The following ADAMTS2 variants were observed in gnomAD, a reference collection of about 807,000 sequenced individuals.
ADAMTS2 encodes ADAM metallopeptidase with thrombospondin type 1 motif 2.
Under a neutral mutation model 123.0 loss-of-function variants are expected in ADAMTS2, and 50 were observed. The ratio of observed to expected loss-of-function variants is 0.41; its 90% CI spans 0.32 to 0.51. ADAMTS2 has a LOEUF of 0.51. ADAMTS2 is among the 20% of genes least tolerant of loss of function. The pLI is 0.35. For missense variants in ADAMTS2, 1,494 were observed against 1,705.2 expected, an observed-to-expected ratio of 0.88 and a Z score of 2.18; for synonymous variants, 678 against 695.4, an observed-to-expected ratio of 0.98 and a Z score of 0.39.
chr5:179,158,967 C>G lies in ADAMTS2; in HGVS notation c.976-88G>C. Reference sequence around the variant, plus strand: ...GAGCAGGCTGTAGTGTTGACAGACCCCATCCACTGGGAATCTGTTCCAGGT... The same window carrying G: ...GAGCAGGCTGTAGTGTTGACAGACCGCATCCACTGGGAATCTGTTCCAGGT... On this transcript the variant is annotated intron_variant, in intron 5 of 21. Transcript: ENST00000251582. This position sits in a 1 kb window ranked among gnomAD's most constrained non-coding sequence, Gnocchi z 5.0. The G allele has an allele frequency of 2.7e-6, 4 of 1,508,380 alleles. No individual in the cohort carries two copies. The highest frequency in any genetic ancestry group is 3.6e-6 in the Non-Finnish European group (4 of 1,111,594). 93.4% of individuals were successfully genotyped at this position (1,508,380 alleles called of 1,614,324 possible).
In ADAMTS2 at chr5:179,332,360, C is replaced by T. The variant is rs1163353839; in HGVS notation, c.534+11407G>A. ...AGGGGTTTTCATGGAAGTTCCATGA[C>T]TCCCATCCCCAGAGGTTGGGGAAGT... is the stretch of plus-strand genomic sequence containing the variant. On this transcript the variant is annotated intron_variant, in intron 2 of 21. Coordinates refer to ENST00000251582, the MANE Select transcript of ADAMTS2 (RefSeq NM_014244.5). This position sits in a 1 kb window ranked among gnomAD's most constrained non-coding sequence, Gnocchi z 4.2. Among the ~76,000 whole-genome samples the T allele has an allele frequency of 6.6e-6, 1 of 152,186 alleles. No homozygotes were observed. Among genetic ancestry groups the T allele is most frequent in the Admixed American group, 6.5e-5 (1 of 15,286 alleles).
chr5:179,207,471 A>ACCCGGCCCCC, intron 4 of ADAMTS2, 42 bp downstream of exon 4: 13 of 1,026,470 alleles, frequency 1.3e-5, no homozygotes, highest in Admixed American at 1.7e-5. Context: ...CCCCTGGTTG[A>ACCCGGCCCCC]CCCTCCCCGC....
intron 10 of ADAMTS2, among the ~76,000 whole-genome samples, chr5:179,147,980 C>T (rs1192695474): frequency 6.6e-6 from 1 of 152,140 alleles, no homozygotes; most frequent in African/African-American, 2.4e-5. Flanking sequence ...GGAAGGGGCT[C>T]CTGTGAGCAA....
chr5:179,171,146 G>A (rs2113292251), intron 5 of ADAMTS2, among the ~76,000 whole-genome samples: 1 of 152,276 alleles, frequency 6.6e-6, no homozygotes, highest in South Asian at 2.1e-4. Context: ...TATAACGTAT[G>A]GTACGGAAGT....
chr5:179,277,314 G>T (rs1766725786), intron 2 of ADAMTS2, among the ~76,000 whole-genome samples: 1 of 37,234 alleles, frequency 2.7e-5, no homozygotes, highest in Non-Finnish European at 5.6e-5. Context: ...CGAGACCAAA[G>T]GCTGACACCC....
chr5:179,322,483 CAAA>C (rs1757213502), intron 2 of ADAMTS2, among the ~76,000 whole-genome samples: 2 of 152,186 alleles, frequency 1.3e-5, no homozygotes, highest in Non-Finnish European at 2.9e-5. Context: ...CCCTTGAGGA[CAAA>C]CCCTGAGCCA....
rs1762924058 is a variant in ADAMTS2, at chr5:179,129,565, G to A, written c.2457+367C>T. On this transcript the variant is annotated intron_variant, in intron 16 of 21. Transcript: ENST00000251582. The surrounding 1 kb of genome is among the most constrained non-coding windows in gnomAD (Gnocchi z 4.1). ...ACACAGTCCAGCTCAACCTGGGTCT[G>A]GGCATCTAGCTTCCCAGACCCTGAG... 6.6e-6 allele frequency among the ~76,000 whole-genome samples: 1 copy of A among 152,106 alleles called. No homozygotes were observed.
Position 179,191,268 on chromosome 5 carries a change from C to T in ADAMTS2, c.892-10113G>A, listed in dbSNP as rs528206871. The stretch of plus-strand genomic sequence containing the variant: ...ACGGCCCTGCCTCCCTGGAACTCTG[C>T]TGAGCTTGTCGGCTGTCCCTGGCCA... On this transcript the variant is annotated intron_variant, in intron 4 of 21. Coordinates refer to ENST00000251582, the MANE Select transcript of ADAMTS2 (RefSeq NM_014244.5). 2.3e-4 allele frequency among the ~76,000 whole-genome samples: 35 copies of T among 152,316 alleles called. 1 individual carries two copies. In the South Asian group the frequency reaches 7.2e-3, roughly 32 times the overall value.
intron 3 of ADAMTS2, among the ~76,000 whole-genome samples, chr5:179,271,891 T>C (rs1766545110): frequency 6.6e-6 from 1 of 152,126 alleles, no homozygotes; most frequent in Non-Finnish European, 1.5e-5. Flanking sequence ...GGGAGTACCT[T>C]AGTAAATCAC....
At chr5:179,187,442 T>C (rs252069) in intron 4 of ADAMTS2, among the ~76,000 whole-genome samples, 45,789 of 152,226 alleles carry the variant, frequency 0.3, 7,939 homozygotes, top group Non-Finnish European at 0.4. Context: ...CCCAGCAGTG[T>C]CTAGCCCATA....
rs1216483586 is a variant in ADAMTS2, at chr5:179,260,572, T to C, written c.688+12339A>G. On this transcript the variant is annotated intron_variant, in intron 3 of 21. Coordinates refer to ENST00000251582, the MANE Select transcript of ADAMTS2 (RefSeq NM_014244.5). The surrounding 1 kb of genome is among the most constrained non-coding windows in gnomAD (Gnocchi z 4.2). ...GCTCTGAGCGGGGACAGGAGGGCACTGCACTGGGTGTCAGCAGCCCTGGGT... is the reference window on the plus strand; with the variant it reads ...GCTCTGAGCGGGGACAGGAGGGCACCGCACTGGGTGTCAGCAGCCCTGGGT... 6.6e-6 allele frequency among the ~76,000 whole-genome samples: 1 copy of C among 152,126 alleles called. No homozygotes were observed. The highest frequency in any genetic ancestry group is 1.5e-5 in the Non-Finnish European group (1 of 68,030).
At chr5:179,329,345 A>G (rs1300893813) in intron 2 of ADAMTS2, among the ~76,000 whole-genome samples, 3 of 144,526 alleles carry the variant, frequency 2.1e-5, no homozygotes, top group Non-Finnish European at 1.6e-5. Flanking sequence ...AAAAAAAAAC[A>G]AAACAAAACC....
chr5:179,122,305 C>T (rs189228276), intron 20 of ADAMTS2, among the ~76,000 whole-genome samples: 1 of 126,432 alleles, frequency 7.9e-6, no homozygotes, highest in Non-Finnish European at 1.7e-5. Context: ...TCAAAGGTCA[C>T]AGAGCACACT....
chr5:179,127,136 C>T (rs149738614), intron 17 of ADAMTS2, among the ~76,000 whole-genome samples: 197 of 152,304 alleles, frequency 1.3e-3, no homozygotes, highest in Admixed American at 1.9e-3. Flanking sequence ...AGTGGACACA[C>T]AAGGGCCAGT....
chr5:179,245,780 A>AC (rs1561628444), intron 3 of ADAMTS2, among the ~76,000 whole-genome samples: 1,967 of 131,950 alleles, frequency 0.015, 150 homozygotes, highest in African/African-American at 0.053. Flanking sequence ...AAAAAAAAAA[A>AC]AAAAAAAAAA....
Position 179,260,422 on chromosome 5 carries a change from C to T in ADAMTS2, c.688+12489G>A, listed in dbSNP as rs1276205857. On this transcript the variant is annotated intron_variant, in intron 3 of 21. Coordinates refer to ENST00000251582, the MANE Select transcript of ADAMTS2 (RefSeq NM_014244.5). This position sits in a 1 kb window ranked among gnomAD's most constrained non-coding sequence, Gnocchi z 4.2. ...GTGCTAAGTGACCTGGAGACACATC[C>T]TCACTCACCCTCGCTGGGCCCCAGT... Among the ~76,000 whole-genome samples, 4 of 152,208 alleles carry T rather than the reference C, an allele frequency of 2.6e-5. No homozygotes were observed. Among genetic ancestry groups the T allele is most frequent in the African/African-American group, 9.6e-5 (4 of 41,456 alleles).
intron 2 of ADAMTS2, among the ~76,000 whole-genome samples, chr5:179,299,723 C>A (rs1426578568): frequency 6.6e-6 from 1 of 151,736 alleles, no homozygotes; most frequent in Non-Finnish European, 1.5e-5. Context: ...GGCTTGTGGC[C>A]CCCTCCTCCA....
intron 3 of ADAMTS2, among the ~76,000 whole-genome samples, chr5:179,212,388 G>A (rs113963601): frequency 0.16 from 19,164 of 117,942 alleles, 2,335 homozygotes; most frequent in Admixed American, 0.18. Flanking sequence ...GGGCAGGCAT[G>A]GGCTCTGTGG....
At chr5:179,126,488 C>T (rs527599503) in intron 17 of ADAMTS2, among the ~76,000 whole-genome samples, 6 of 152,344 alleles carry the variant, frequency 3.9e-5, no homozygotes, top group Admixed American at 1.3e-4. Flanking sequence ...GCACTGGGCC[C>T]GCAGCCCGCA....
Sources: allele counts gnomAD v4.1 joint callset (sites outside exome capture counted in the v4.1 genomes callset), GRCh38; gene constraint gnomAD v4.1.1; non-coding constraint Gnocchi (gnomAD v3.1); transcripts MANE v1.5; gene names NCBI Gene and HGNC (gene_info 2026-07-23, HGNC 2026-07-21).